Variants in SAXO4 observed in about 807,000 individuals in gnomAD.
The protein encoded by SAXO4 is stabilizer of axonemal microtubules 4, also known as protein phosphatase 1 regulatory subunit 32.
chr11:61,486,617 G>A, the SAXO4 span: 1 of 1,613,578 alleles, frequency 6.2e-7, no homozygotes, highest in Non-Finnish European at 8.5e-7. Context: ...CAGAGTGAGT[G>A]GCCTTGGCGT....
the SAXO4 span, chr11:61,486,199 A>G: frequency 1.2e-6 from 1 of 825,290 alleles, no homozygotes; most frequent in Non-Finnish European, 1.9e-6. Flanking sequence ...CTCCCCAAAC[A>G]CTTCCCTTTT....
chr11:61,487,971 G>A, the SAXO4 span, among the ~76,000 whole-genome samples: 1 of 151,616 alleles, frequency 6.6e-6, no homozygotes, highest in African/African-American at 2.4e-5. Context: ...TATAAAGGAA[G>A]TGTAATTCTT....
chr11:61,483,500 C>T, the SAXO4 span, among the ~76,000 whole-genome samples: 2 of 152,138 alleles, frequency 1.3e-5, no homozygotes, highest in African/African-American at 2.4e-5. Flanking sequence ...TTATTACCAC[C>T]CTTCTTATCA....
chr11:61,481,671 G>C, the SAXO4 span: 32 of 534,000 alleles, frequency 6.0e-5, 1 homozygote, highest in African/African-American at 5.9e-4. Flanking sequence ...AGAGACAGAG[G>C]CCTGGGAGAA....
At chr11:61,489,887 C>A in the SAXO4 span, 1 of 1,613,860 alleles carries the variant, frequency 6.2e-7, no homozygotes, top group African/African-American at 1.3e-5. Flanking sequence ...CGGTCAGCTG[C>A]ATGGAGGCCA....
the SAXO4 span, chr11:61,489,965 C>G: frequency 1.3e-6 from 2 of 1,598,354 alleles, no homozygotes; most frequent in Middle Eastern, 1.7e-4. Context: ...ACCCCCAGCT[C>G]TGTTCTTTCT....
chr11:61,485,903 G>A, the SAXO4 span: 1 of 1,612,944 alleles, frequency 6.2e-7, no homozygotes, highest in Non-Finnish European at 8.5e-7. Flanking sequence ...GGCCCTCCCT[G>A]GGGACCCTGT....
the SAXO4 span, chr11:61,490,041 G>A: frequency 7.8e-7 from 1 of 1,279,582 alleles, no homozygotes; most frequent in South Asian, 1.4e-5. Flanking sequence ...TGTCAGTCCG[G>A]TTCATTCCTA....
At chr11:61,489,383 A>G in the SAXO4 span, 2 of 453,316 alleles carry the variant, frequency 4.4e-6, no homozygotes, top group Non-Finnish European at 3.9e-6. Flanking sequence ...TCATAAGTTC[A>G]AGGGTGGGAC....
At chr11:61,485,116 G>A in the SAXO4 span, among the ~76,000 whole-genome samples, 1 of 152,266 alleles carries the variant, frequency 6.6e-6, no homozygotes, top group East Asian at 1.9e-4. Context: ...AGTCTGGTGT[G>A]GGGTGTGACG....
At chr11:61,487,204 A>T in the SAXO4 span, 2 of 1,613,992 alleles carry the variant, frequency 1.2e-6, no homozygotes, top group Non-Finnish European at 1.7e-6. Flanking sequence ...TGTGATCCTG[A>T]CAGGGATCAG....
chr11:61,489,917 C>A, the SAXO4 span: 15 of 1,612,332 alleles, frequency 9.3e-6, no homozygotes, highest in East Asian at 3.1e-4. Context: ...CCATGGAGAG[C>A]CTGCGGCACC....
At chr11:61,486,923 C>G in the SAXO4 span, 1 of 1,603,688 alleles carries the variant, frequency 6.2e-7, no homozygotes, top group South Asian at 1.1e-5. Flanking sequence ...CTCAGCCTCC[C>G]TTCTGGTGGT....
the SAXO4 span, chr11:61,487,386 G>T: frequency 1.4e-6 from 1 of 713,104 alleles, no homozygotes; most frequent in East Asian, 2.6e-5. Context: ...CCAAGGATTG[G>T]AGTGCAAGCA....
chr11:61,481,996 C>A, the SAXO4 span: 8 of 1,025,484 alleles, frequency 7.8e-6, no homozygotes, highest in East Asian at 9.8e-5. Flanking sequence ...GAGGAGCAGA[C>A]CCTCTGGCTG....
chr11:61,484,763 C>G, the SAXO4 span: 16 of 1,612,472 alleles, frequency 9.9e-6, no homozygotes, highest in Non-Finnish European at 1.4e-5. Flanking sequence ...GGAAGTGCCT[C>G]TGCTCCACCA....
the SAXO4 span, chr11:61,486,311 CG>C: frequency 6.2e-7 from 1 of 1,610,968 alleles, no homozygotes; most frequent in Non-Finnish European, 8.5e-7. Context: ...GCTGCCTCTG[CG>C]GGGCTGACAT....
At chr11:61,485,860 C>A in the SAXO4 span, 21 of 1,614,054 alleles carry the variant, frequency 1.3e-5, no homozygotes, top group Non-Finnish European at 1.7e-5. Context: ...AACAGTCCCA[C>A]CAGAGCCCCA....
chr11:61,486,371 A>G, the SAXO4 span: 1 of 1,614,060 alleles, frequency 6.2e-7, no homozygotes, highest in African/African-American at 1.3e-5. Context: ...GAGTGTCACC[A>G]AGTCAGACTT....
Sources: gnomAD v4.1 joint callset for allele counts (sites outside exome capture counted in the v4.1 genomes callset) on GRCh38, gnomAD v4.1.1 for gene constraint, MANE v1.5 for transcripts, NCBI Gene and HGNC (gene_info 2026-07-23, HGNC 2026-07-21) for gene names.